AKAP1: variants seen among roughly 807,000 people sequenced by gnomAD.
AKAP1 encodes the protein A-kinase anchor protein 1, mitochondrial.
AKAP1 carries 32 observed loss-of-function variants against 79.8 expected under a neutral mutation model. The ratio of observed to expected loss-of-function variants is 0.40; its 90% CI spans 0.30 to 0.54. AKAP1 has a LOEUF of 0.54. AKAP1 is among the 20% of genes least tolerant of loss of function. The pLI is 0.47. For synonymous variants in AKAP1, 416 were observed against 466.7 expected, an observed-to-expected ratio of 0.89 and a Z score of 1.40; for missense variants, 961 against 1,138.9, an observed-to-expected ratio of 0.84 and a Z score of 2.25.
chr17:57,112,657 T>C, intron 5 of AKAP1, 39 bp downstream of exon 5: 1 of 1,569,842 alleles, frequency 6.4e-7, no homozygotes. Context: ...TCTTGCCACT[T>C]TCCCCCAAAC....
intron 2 of AKAP1, among the ~76,000 whole-genome samples, chr17:57,109,183 G>A (rs1457547469): frequency 2.0e-5 from 3 of 152,212 alleles, no homozygotes; most frequent in Non-Finnish European, 4.4e-5. Context: ...ATCTATTTCT[G>A]GTGATTGAGT....
In AKAP1 at chr17:57,107,679, C is replaced by CGT. The variant is rs372602275; in HGVS notation, c.1714+514_1714+515dup. 7.9e-5 allele frequency among the ~76,000 whole-genome samples: 12 copies of CGT among 151,278 alleles called. No homozygotes were observed. In the East Asian group the frequency reaches 1.4e-3, roughly 17 times the overall value. Reference sequence around the variant, plus strand: ...TTAAACACTAACCTCTTTGTGTGTGCGTGTGTGTGTGTGTTTTAATGGAGA... The same window carrying CGT: ...TTAAACACTAACCTCTTTGTGTGTGCGTGTGTGTGTGTGTGTTTTAATGGAGA... On this transcript the variant is annotated intron_variant, in intron 2 of 10. Coordinates refer to ENST00000337714, the MANE Select transcript of AKAP1 (RefSeq NM_003488.4).
At chr17:57,114,278 T>G (rs943345229) in intron 5 of AKAP1, among the ~76,000 whole-genome samples, 181 bp from the exon 6 acceptor site, 1 of 152,068 alleles carries the variant, frequency 6.6e-6, no homozygotes, top group African/African-American at 2.4e-5. Flanking sequence ...GCCACAGGGG[T>G]GTCGAACACT....
chr17:57,097,319 G>C (rs1914180711), intron 1 of AKAP1, among the ~76,000 whole-genome samples: 1 of 152,192 alleles, frequency 6.6e-6, no homozygotes. Flanking sequence ...GTGAGTGAGA[G>C]AGATTGATTC....
chr17:57,108,155 G>A, intron 2 of AKAP1: 1 of 534,974 alleles, frequency 1.9e-6, no homozygotes. Flanking sequence ...TGTTTGTCCT[G>A]GAGCCATTCC....
chr17:57,088,215 T>G (rs952585354), intron 1 of AKAP1, among the ~76,000 whole-genome samples: 1 of 152,218 alleles, frequency 6.6e-6, no homozygotes, highest in Non-Finnish European at 1.5e-5. Context: ...CAGGCAGTTT[T>G]CACTTTTATG....
intron 1 of AKAP1, chr17:57,093,139 C>T (rs1913883234): frequency 6.6e-6 from 1 of 152,320 alleles, no homozygotes; most frequent in Non-Finnish European, 1.5e-5. Flanking sequence ...CCTCAACTCT[C>T]CCAGCTGGTG....
At position 57,105,448 on chromosome 17, in the gene AKAP1, T is replaced by G. The variant is rs763991052; in HGVS notation, c.-17T>G. On this transcript the variant is annotated 5_prime_UTR_variant, in exon 2 of 11. It adds an upstream start codon to the 5' untranslated region. Coordinates refer to ENST00000337714, the MANE Select transcript of AKAP1 (RefSeq NM_003488.4). ...CTCTCCTGCTCTCCCCAGGTGTAAT[T>G]ACTTCAAGCCTCCAGGATGGCAATC... 1.9e-6 allele frequency: 3 copies of G among 1,586,910 alleles called. No individual in the cohort carries two copies. In the African/African-American group the frequency reaches 4.2e-5, roughly 22 times the overall value.
intron 1 of AKAP1, among the ~76,000 whole-genome samples, chr17:57,090,247 A>T (rs1384497010): frequency 2.0e-5 from 3 of 151,168 alleles, no homozygotes; most frequent in Admixed American, 2.0e-4. Context: ...ATAATGTGAG[A>T]TCTCTTTTCT....
chr17:57,110,216 G>C (rs1001621396), intron 3 of AKAP1, 58 bp downstream of exon 3: 4 of 1,599,180 alleles, frequency 2.5e-6, no homozygotes, highest in Non-Finnish European at 3.4e-6. Flanking sequence ...CCTGGGGCCA[G>C]GGCCATTAGA....
At chr17:57,109,042 C>T (rs1422963884) in intron 2 of AKAP1, among the ~76,000 whole-genome samples, 4 of 152,226 alleles carry the variant, frequency 2.6e-5, no homozygotes, top group Admixed American at 2.6e-4. Context: ...GTGATTCTTC[C>T]TTAGCTGGGA....
chr17:57,103,168 G>A (rs529759340), intron 1 of AKAP1, among the ~76,000 whole-genome samples: 4 of 152,312 alleles, frequency 2.6e-5, no homozygotes, highest in East Asian at 3.9e-4. Flanking sequence ...CTTAGCCCTG[G>A]CCACTGCCTA....
At chr17:57,101,355 T>C (rs1235960842) in intron 1 of AKAP1, among the ~76,000 whole-genome samples, 3 of 152,226 alleles carry the variant, frequency 2.0e-5, no homozygotes, top group African/African-American at 7.2e-5. Context: ...CTGGCTAATG[T>C]TTTTTAGAGA....
intron 8 of AKAP1, among the ~76,000 whole-genome samples, chr17:57,117,439 A>G (rs1915656021): frequency 6.6e-6 from 1 of 152,228 alleles, no homozygotes; most frequent in Non-Finnish European, 1.5e-5. Context: ...GGCTGTGAGA[A>G]TTACATAAAC....
At chr17:57,110,594 C>T (rs1410610321) in intron 3 of AKAP1, among the ~76,000 whole-genome samples, 1 of 152,202 alleles carries the variant, frequency 6.6e-6, no homozygotes, top group Non-Finnish European at 1.5e-5. Context: ...TATAGAAATA[C>T]ATGCAGAAAA....
intron 1 of AKAP1, among the ~76,000 whole-genome samples, chr17:57,100,447 G>GCACACACA (rs769056309): frequency 6.6e-5 from 5 of 75,354 alleles, no homozygotes; most frequent in Admixed American, 2.6e-4. Context: ...ACACACACAC[G>GCACACACA]CACACACACA....
intron 1 of AKAP1, among the ~76,000 whole-genome samples, chr17:57,096,982 C>T (rs1387885672): frequency 6.6e-6 from 1 of 151,690 alleles, no homozygotes; most frequent in African/African-American, 2.4e-5. Context: ...GGATAGCAGT[C>T]ACTCTTGAGG....
rs550453985 is a variant in AKAP1, at chr17:57,107,191, C to T, written c.1714+13C>T. 24 of 1,581,820 alleles carry T rather than the reference C, an allele frequency of 1.5e-5. No individual in the cohort carries two copies. The highest frequency in any genetic ancestry group is 1.7e-4 in the Middle Eastern group (1 of 5,930). ...GATCATTCAGGAGGTAGGAGGGTCT[C>T]GGGTTCGTTTAGAGGATGGGGCGCT... is the stretch of plus-strand genomic sequence containing the variant. On this transcript the variant is annotated intron_variant, in intron 2 of 10. Transcript: ENST00000337714.
chr17:57,112,482 G>T lies in AKAP1; in HGVS notation c.1976-9G>T, dbSNP rs1445704437. 1 of 1,612,478 alleles carries T rather than the reference G, an allele frequency of 6.2e-7. No homozygotes were observed. Among genetic ancestry groups the T allele is most frequent in the South Asian group, 1.1e-5 (1 of 90,774 alleles). On this transcript the variant is annotated splice_polypyrimidine_tract_variant and intron_variant, in intron 4 of 10. Coordinates refer to ENST00000337714, the MANE Select transcript of AKAP1 (RefSeq NM_003488.4). ...GTGATTGTATGTCCTGCCCCCATCC[G>T]CTATTTAGGCTCTCAACATCATGTA...
Sources: gnomAD v4.1 joint callset for allele counts (sites outside exome capture counted in the v4.1 genomes callset) on GRCh38, gnomAD v4.1.1 for gene constraint, MANE v1.5 for transcripts, NCBI Gene and HGNC (gene_info 2026-07-23, HGNC 2026-07-21) for gene names.